The following UBLCP1 variants were observed in gnomAD, a reference collection of about 807,000 sequenced individuals.
The protein encoded by UBLCP1 is ubiquitin-like domain-containing CTD phosphatase 1.
In UBLCP1, 28 loss-of-function variants were observed where a neutral mutation model predicts 42.4. The ratio of observed to expected loss-of-function variants is 0.66; its 90% confidence interval spans 0.49 to 0.90. UBLCP1 has a LOEUF of 0.90. Ranked by LOEUF, UBLCP1 falls within the 40% of genes least tolerant of loss-of-function variation. UBLCP1 has a pLI of 0.00. For missense variants in UBLCP1, 279 were observed against 374.5 expected (o/e 0.75, Z 2.10); for synonymous variants, 122 against 120.8 (o/e 1.01, Z -0.07).
intron 10 of UBLCP1, among the ~76,000 whole-genome samples, chr5:159,284,129 A>G (rs570877148): frequency 2.6e-5 from 4 of 152,324 alleles, no homozygotes; most frequent in African/African-American, 9.6e-5. Flanking sequence ...CTAAGAGTCT[A>G]TAATCCTAAT....
intron 6 of UBLCP1, among the ~76,000 whole-genome samples, chr5:159,273,708 G>A (rs10067585): frequency 6.6e-6 from 1 of 152,014 alleles, no homozygotes; most frequent in South Asian, 2.1e-4. Context: ...AGATACAATA[G>A]TCTTTAAAAT....
At position 159,269,966 on chromosome 5, in the gene UBLCP1, A is replaced by T. The variant is rs1181107183; in HGVS notation, c.213A>T (p.Lys71Asn). 6.2e-7 allele frequency: 1 copy of T among 1,612,658 alleles called. No individual in the cohort carries two copies. The highest frequency in any genetic ancestry group is 8.5e-7 in the Non-Finnish European group (1 of 1,179,518). ...LGALKLKPNTKIMMMGTREES... is the reference protein window; with the variant it reads ...LGALKLKPNTNIMMMGTREES... ...CTCTCAAACTGAAACCAAATACTAA[A>T]ATCATGATGATGGGAACTCGTGAGG... The change falls in exon 3 of 11, where the codon AAA (lysine) becomes AAT (asparagine). Residue 71 changes from lysine (K) to asparagine (N), a missense_variant. Physicochemically the swap from Lys to Asn is moderately conservative, Grantham distance 94. Coordinates refer to ENST00000296786, the MANE Select transcript of UBLCP1 (RefSeq NM_145049.5).
chr5:159,280,307 A>G (rs1753592890), intron 9 of UBLCP1, among the ~76,000 whole-genome samples: 1 of 152,178 alleles, frequency 6.6e-6, no homozygotes, highest in Non-Finnish European at 1.5e-5. Context: ...CGGCATAGAA[A>G]CAGGTGGGGT....
intron 8 of UBLCP1, among the ~76,000 whole-genome samples, chr5:159,276,479 G>T (rs1753538729): frequency 6.6e-6 from 1 of 151,970 alleles, no homozygotes; most frequent in Non-Finnish European, 1.5e-5. Context: ...ATATACTAAA[G>T]TAAAATAATA....
intron 2 of UBLCP1, among the ~76,000 whole-genome samples, chr5:159,269,678 C>T (rs144886384): frequency 2.5e-4 from 38 of 152,206 alleles, no homozygotes; most frequent in African/African-American, 7.7e-4. Flanking sequence ...TAAAGGTGTT[C>T]ATCTAACATA....
intron 8 of UBLCP1, among the ~76,000 whole-genome samples, chr5:159,277,421 A>G (rs946977216): frequency 4.6e-5 from 7 of 152,140 alleles, no homozygotes; most frequent in African/African-American, 1.7e-4. Flanking sequence ...TGTTCTCATA[A>G]TACCGTAAGA....
At chr5:159,275,800 C>T (rs541444897) in intron 8 of UBLCP1, among the ~76,000 whole-genome samples, 1 of 152,072 alleles carries the variant, frequency 6.6e-6, no homozygotes, top group Non-Finnish European at 1.5e-5. Flanking sequence ...GGGTAATTGA[C>T]CTGTGTTGAT....
chr5:159,271,379 T>G (rs1319196918), intron 5 of UBLCP1, among the ~76,000 whole-genome samples: 3 of 152,124 alleles, frequency 2.0e-5, no homozygotes, highest in Non-Finnish European at 4.4e-5. Context: ...GAGGATCACT[T>G]GAGCCCGGAT....
At chr5:159,265,528 G>A (rs1345862061) in intron 1 of UBLCP1, among the ~76,000 whole-genome samples, 1 of 152,132 alleles carries the variant, frequency 6.6e-6, no homozygotes, top group East Asian at 1.9e-4. Flanking sequence ...TGATTGATAT[G>A]GTTTGGCTGT....
intron 2 of UBLCP1, among the ~76,000 whole-genome samples, chr5:159,269,335 G>T (rs570461583): frequency 6.6e-6 from 1 of 152,086 alleles, no homozygotes; most frequent in Non-Finnish European, 1.5e-5. Context: ...TTAAACCTTT[G>T]GCACAGAAGT....
At chr5:159,272,870 G>T (rs1311164599) in intron 6 of UBLCP1, among the ~76,000 whole-genome samples, 1 of 152,128 alleles carries the variant, frequency 6.6e-6, no homozygotes, top group Non-Finnish European at 1.5e-5. Flanking sequence ...ACGTTTTTTG[G>T]TAGCAAGATT....
chr5:159,282,031 A>C (rs1031784345), intron 9 of UBLCP1, among the ~76,000 whole-genome samples: 3 of 152,158 alleles, frequency 2.0e-5, no homozygotes, highest in African/African-American at 7.2e-5. Flanking sequence ...TTCAAATGTA[A>C]ACAGAACTAT....
intron 2 of UBLCP1, 33 bp from the exon 3 acceptor site, chr5:159,269,875 T>C (rs763804529): frequency 1.2e-5 from 18 of 1,560,592 alleles, no homozygotes; most frequent in East Asian, 4.5e-5. Context: ...ACCTGAACTT[T>C]AGTGAGAAAA....
intron 9 of UBLCP1, among the ~76,000 whole-genome samples, chr5:159,281,786 G>A (rs1188210800): frequency 1.3e-5 from 2 of 151,716 alleles, no homozygotes; most frequent in African/African-American, 4.8e-5. Flanking sequence ...CATTGTTCTT[G>A]CTTCTCAGTA....
chr5:159,282,326 T>G lies in UBLCP1; in HGVS notation c.802-886T>G, dbSNP rs540676664. ...TTTATAGTTCAACAAACTGTAAAGATAATTCTTGTAAAAAATTTTATTCCA... is the reference window on the plus strand; with the variant it reads ...TTTATAGTTCAACAAACTGTAAAGAGAATTCTTGTAAAAAATTTTATTCCA... On this transcript the variant is annotated intron_variant, in intron 9 of 10. Coordinates refer to ENST00000296786, the MANE Select transcript of UBLCP1 (RefSeq NM_145049.5). Among the ~76,000 whole-genome samples the G allele has an allele frequency of 2.0e-5, 3 of 152,198 alleles. No homozygotes were observed. In the East Asian group the frequency reaches 5.8e-4, roughly 29 times the overall value.
At position 159,268,907 on chromosome 5, in the gene UBLCP1, G is replaced by A. The variant is rs1753430486; in HGVS notation, c.-9G>A. 6 of 1,601,054 alleles carry A rather than the reference G, an allele frequency of 3.7e-6. No individual in the cohort carries two copies. The highest frequency in any genetic ancestry group is 5.1e-6 in the Non-Finnish European group (6 of 1,176,344). On this transcript the variant is annotated 5_prime_UTR_variant, in exon 2 of 11. It removes an upstream start codon present in the reference 5' UTR. Coordinates refer to ENST00000296786, the MANE Select transcript of UBLCP1 (RefSeq NM_145049.5). ...CTGAAGGAAAGCTGCTTCCTCATATGTTTCAAGAATGGCTCTCCCTATCAT... is the reference window on the plus strand; with the variant it reads ...CTGAAGGAAAGCTGCTTCCTCATATATTTCAAGAATGGCTCTCCCTATCAT...
In UBLCP1 at chr5:159,284,989, T is replaced by C; in HGVS notation, c.*58T>C. 6.6e-7 allele frequency: 1 copy of C among 1,523,458 alleles called. No individual in the cohort carries two copies. Among genetic ancestry groups the C allele is most frequent in the Non-Finnish European group, 9.1e-7 (1 of 1,098,424 alleles). 94.4% of individuals were successfully genotyped at this position (1,523,458 alleles called of 1,614,324 possible). On this transcript the variant is annotated 3_prime_UTR_variant, in exon 11 of 11. Transcript: ENST00000296786. ...TTAAGATCCAAGAACTTCTTGCTTTTATGCTAGAAATCATTATGATAGTGC... is the reference window on the plus strand; with the variant it reads ...TTAAGATCCAAGAACTTCTTGCTTTCATGCTAGAAATCATTATGATAGTGC...
chr5:159,279,501 A>C (rs976642812), intron 9 of UBLCP1, among the ~76,000 whole-genome samples: 5 of 152,190 alleles, frequency 3.3e-5, no homozygotes, highest in African/African-American at 1.2e-4. Context: ...CTCAGTCCTA[A>C]ACTTTTCTAC....
At chr5:159,276,836 G>A (rs1439866457) in intron 8 of UBLCP1, among the ~76,000 whole-genome samples, 1 of 152,170 alleles carries the variant, frequency 6.6e-6, no homozygotes, top group Non-Finnish European at 1.5e-5. Context: ...AAAAATGCCT[G>A]GAGTCAATGT....
Sources: allele counts gnomAD v4.1 joint callset (sites outside exome capture counted in the v4.1 genomes callset), GRCh38; gene constraint gnomAD v4.1.1; transcripts MANE v1.5; gene names NCBI Gene and HGNC (gene_info 2026-07-23, HGNC 2026-07-21).